Variants in NPFFR2 observed in about 807,000 individuals in gnomAD.
NPFFR2 encodes the protein G-protein coupled receptor 74.
NPFFR2 carries 15 observed loss-of-function variants against 13.1 expected under a neutral mutation model. The ratio of observed to expected loss-of-function variants is 1.15; its 90% CI spans 0.77 to 1.76. The LOEUF (loss-of-function observed/expected upper bound fraction) is 1.76, where lower values mean the gene tolerates loss of function less well. Among genes scored for constraint, NPFFR2 ranks in the 40% most tolerant of loss-of-function variants. The pLI is 0.00. For missense variants in NPFFR2, 572 were observed against 503.5 expected, an observed-to-expected ratio of 1.14 and a Z score of -1.30; for synonymous variants, 190 against 175.7, an observed-to-expected ratio of 1.08 and a Z score of -0.65.
chr4:72,071,384 C>T (rs879461751), intron 1 of NPFFR2, among the ~76,000 whole-genome samples: 1 of 151,522 alleles, frequency 6.6e-6, no homozygotes, highest in Non-Finnish European at 1.5e-5. Flanking sequence ...TTGTGAGGAG[C>T]GTGTATGACC....
At chr4:72,067,879 C>G in intron 1 of NPFFR2, among the ~76,000 whole-genome samples, 1 of 152,188 alleles carries the variant, frequency 6.6e-6, no homozygotes, top group South Asian at 2.1e-4. Context: ...ATAGTCTTCG[C>G]TAACCATGTT....
intron 1 of NPFFR2, among the ~76,000 whole-genome samples, chr4:72,033,447 TAA>T (rs10711391): frequency 6.6e-6 from 1 of 152,150 alleles, no homozygotes; most frequent in Non-Finnish European, 1.5e-5. Flanking sequence ...ATTGTAATAA[TAA>T]AAAAATGTGC....
At chr4:72,138,539 G>T (rs1722494151) in intron 3 of NPFFR2, among the ~76,000 whole-genome samples, 1 of 151,786 alleles carries the variant, frequency 6.6e-6, no homozygotes, top group African/African-American at 2.4e-5. Context: ...GTGATAGTTA[G>T]CTGAGAATGA....
At chr4:72,127,260 C>T (rs28439468) in intron 1 of NPFFR2, among the ~76,000 whole-genome samples, 103,743 of 103,804 alleles carry the variant, frequency 1, 51,841 homozygotes, top group African/African-American at 1. Flanking sequence ...GCCGAGATCG[C>T]GCCACTGCAC....
intron 1 of NPFFR2, among the ~76,000 whole-genome samples, chr4:72,092,052 T>C (rs1383017849): frequency 1.3e-5 from 2 of 152,112 alleles, no homozygotes; most frequent in Admixed American, 6.5e-5. Context: ...TATCATTCAA[T>C]TCAAATAATT....
chr4:72,112,834 C>T (rs185174422), intron 1 of NPFFR2, among the ~76,000 whole-genome samples: 45 of 151,786 alleles, frequency 3.0e-4, no homozygotes, highest in Non-Finnish European at 6.2e-4. Context: ...GGGAATTTAC[C>T]CCTCTCAGGA....
chr4:72,077,837 G>A (rs1423584801), intron 1 of NPFFR2, among the ~76,000 whole-genome samples: 2 of 152,032 alleles, frequency 1.3e-5, no homozygotes, highest in Admixed American at 6.6e-5. Flanking sequence ...CCAGCATGAA[G>A]CGACGTGTTT....
intron 1 of NPFFR2, among the ~76,000 whole-genome samples, chr4:72,111,485 T>C (rs900908863): frequency 1.3e-5 from 2 of 152,012 alleles, no homozygotes; most frequent in African/African-American, 4.8e-5. Context: ...TGTTGAATGC[T>C]TGATAATCTA....
intron 2 of NPFFR2, among the ~76,000 whole-genome samples, chr4:72,129,382 G>T (rs930045448): frequency 8.0e-6 from 1 of 124,356 alleles, no homozygotes; most frequent in African/African-American, 3.1e-5. Context: ...CAGCCTCTGA[G>T]TTCCCTTAGT....
rs780278256 is a variant in NPFFR2, at chr4:72,032,008, T to C, written c.-200T>C. 1.3e-5 allele frequency: 21 copies of C among 1,613,726 alleles called. No individual in the cohort carries two copies. In the South Asian group the frequency reaches 2.2e-4, roughly 17 times the overall value. On this transcript the variant is annotated 5_prime_UTR_variant, in exon 1 of 4. Transcript: ENST00000308744. ...GGGAGGGAGCGCAGAGCACTCAGCGTCCAGCAGCGCGGCGGGCCAGCCTGG... is the reference window on the plus strand; with the variant it reads ...GGGAGGGAGCGCAGAGCACTCAGCGCCCAGCAGCGCGGCGGGCCAGCCTGG...
chr4:72,039,573 G>A (rs1284647597), intron 1 of NPFFR2, among the ~76,000 whole-genome samples: 2 of 152,134 alleles, frequency 1.3e-5, no homozygotes, highest in African/African-American at 4.8e-5. Flanking sequence ...CCTCCATGTT[G>A]ATTGTTATGG....
At chr4:72,105,642 TATAAC>T (rs372790331) in intron 1 of NPFFR2, among the ~76,000 whole-genome samples, 47 of 152,178 alleles carry the variant, frequency 3.1e-4, no homozygotes, top group African/African-American at 1.1e-3. Flanking sequence ...TGCTACATCT[TATAAC>T]AGATCAAGAG....
At chr4:72,075,976 T>TACACACACACACACACAC (rs1025719017) in intron 1 of NPFFR2, among the ~76,000 whole-genome samples, 4 of 83,064 alleles carry the variant, frequency 4.8e-5, no homozygotes, top group African/African-American at 1.9e-4. Flanking sequence ...CACACACACA[T>TACACACACACACACACAC]ACACACACAC....
intron 3 of NPFFR2, among the ~76,000 whole-genome samples, chr4:72,138,714 A>G (rs945957239): frequency 3.3e-5 from 5 of 152,182 alleles, no homozygotes; most frequent in Admixed American, 3.3e-4. Context: ...TAGTGCCACA[A>G]TAAACATACG....
In NPFFR2 at chr4:72,076,595, G is replaced by A. The variant is rs1345544235; in HGVS notation, c.-8+44395G>A. Among the ~76,000 whole-genome samples the A allele has an allele frequency of 2.0e-5, 3 of 152,122 alleles. No homozygotes were observed. In the East Asian group the frequency reaches 5.8e-4, roughly 29 times the overall value. The stretch of plus-strand genomic sequence containing the variant: ...AGTACAGATTCAGTGGAAAATAGAG[G>A]CAGAAGCCAAACTGCTGTGTGTGGA... On this transcript the variant is annotated intron_variant, in intron 1 of 3. Coordinates refer to ENST00000308744, the MANE Select transcript of NPFFR2 (RefSeq NM_004885.3).
chr4:72,138,875 C>A (rs1722505696), intron 3 of NPFFR2, among the ~76,000 whole-genome samples: 1 of 152,146 alleles, frequency 6.6e-6, no homozygotes, highest in Non-Finnish European at 1.5e-5. Flanking sequence ...TACACTCCTA[C>A]CAACAGTGTA....
chr4:72,038,545 A>C (rs963740848), intron 1 of NPFFR2, among the ~76,000 whole-genome samples: 1 of 152,052 alleles, frequency 6.6e-6, no homozygotes, highest in Admixed American at 6.6e-5. Context: ...CTTTCTGTTG[A>C]TCCTACCTTA....
At chr4:72,078,184 C>T (rs4532206) in intron 1 of NPFFR2, among the ~76,000 whole-genome samples, 135,991 of 152,130 alleles carry the variant, frequency 0.89, 61,818 homozygotes, top group Non-Finnish European at 0.98. Flanking sequence ...CCCTATTGTT[C>T]CAGCAGTATT....
chr4:72,144,452 A>G (rs532877930), intron 3 of NPFFR2, among the ~76,000 whole-genome samples: 1 of 152,290 alleles, frequency 6.6e-6, no homozygotes, highest in East Asian at 1.9e-4. Context: ...AAATGTTTTA[A>G]AACTGCCACA....
Sources: gnomAD v4.1 joint callset for allele counts (sites outside exome capture counted in the v4.1 genomes callset) on GRCh38, gnomAD v4.1.1 for gene constraint, MANE v1.5 for transcripts, NCBI Gene and HGNC (gene_info 2026-07-23, HGNC 2026-07-21) for gene names.